NPHP4: variants seen among roughly 807,000 people sequenced by gnomAD.
NPHP4 encodes the protein nephrocystin-4.
A neutral mutation model predicts 155.8 loss-of-function variants in NPHP4; 151 were observed. That is an observed-to-expected ratio of 0.97 (90% CI 0.85 to 1.11). The LOEUF (loss-of-function observed/expected upper bound fraction) is 1.11, where lower values mean the gene tolerates loss of function less well. Among genes scored for constraint, NPHP4 ranks in the 50% least tolerant of loss-of-function variants. NPHP4 has a pLI of 0.00. For missense variants in NPHP4, 1,956 were observed against 1,925.7 expected, an observed-to-expected ratio of 1.02 and a Z score of -0.29; for synonymous variants, 845 against 816.8, an observed-to-expected ratio of 1.03 and a Z score of -0.59.
chr1:5,965,724 C>T (rs1437693572), intron 5 of NPHP4, among the ~76,000 whole-genome samples: 2 of 152,162 alleles, frequency 1.3e-5, no homozygotes, highest in Non-Finnish European at 2.9e-5. Flanking sequence ...TCCCTCAGGA[C>T]TGGAACCAGC....
rs545957138 is a variant in NPHP4 at position 5,946,433 on chromosome 1, C to T, written c.1119+671G>A. Among the ~76,000 whole-genome samples, 20 of 152,284 alleles carry T rather than the reference C, an allele frequency of 1.3e-4. No individual in the cohort carries two copies. In the South Asian group the frequency reaches 3.9e-3, roughly 30 times the overall value. On this transcript the variant is annotated intron_variant, in intron 9 of 29. Coordinates refer to ENST00000378156, the MANE Select transcript of NPHP4 (RefSeq NM_015102.5). ...ACCACACTACTGTCATATAAAAATACATTAAAATGGCCTCATTTTTCAAAA... is the reference window on the plus strand; with the variant it reads ...ACCACACTACTGTCATATAAAAATATATTAAAATGGCCTCATTTTTCAAAA...
chr1:5,872,253 T>C (rs1490995227), intron 23 of NPHP4, among the ~76,000 whole-genome samples: 2 of 152,240 alleles, frequency 1.3e-5, no homozygotes, highest in South Asian at 4.1e-4. Flanking sequence ...CCTCGACCTC[T>C]GGGCATTTGG....
chr1:5,948,001 C>A lies in NPHP4; in HGVS notation c.992+69G>T, dbSNP rs527248147. 6.7e-4 allele frequency: 852 copies of A among 1,265,012 alleles called. 17 individuals are homozygous for A. The South Asian group carries it at 9.3e-3, about 14-fold the overall frequency. 78.4% of individuals were successfully genotyped at this position (1,265,012 alleles called of 1,614,324 possible). A position where few individuals can be genotyped will look rare whatever the true frequency, so the allele number is the denominator to read the frequency against. On this transcript the variant is annotated intron_variant, in intron 8 of 29. Transcript: ENST00000378156. The stretch of plus-strand genomic sequence containing the variant: ...TGGGTGAGTCAACACCTGACATGCA[C>A]AAATGACCTCATTTCATCGTGATCC...
At chr1:5,977,665 A>G (rs886219602) in intron 3 of NPHP4, among the ~76,000 whole-genome samples, 8 of 150,628 alleles carry the variant, frequency 5.3e-5, no homozygotes, top group African/African-American at 1.2e-4. Flanking sequence ...ACAGAGACAG[A>G]GCATGCCGGC....
At position 5,889,230 on chromosome 1, in the gene NPHP4, C is replaced by G. The variant is rs918616253; in HGVS notation, c.2304+1638G>C. Among the ~76,000 whole-genome samples, 13 of 152,250 alleles carry G rather than the reference C, an allele frequency of 8.5e-5. No individual in the cohort carries two copies. Among genetic ancestry groups the G allele is most frequent in the South Asian group, 2.1e-4 (1 of 4,814 alleles). On this transcript the variant is annotated intron_variant, in intron 17 of 29. Transcript: ENST00000378156. The surrounding 1 kb of genome is among the most constrained non-coding windows in gnomAD (Gnocchi z 4.2). ...AAGCCACTGTAGTGACCCGCAACAG[C>G]AAGAGCTCAAACAAGATGAAAGCTG...
At position 5,978,267 on chromosome 1, in the gene NPHP4, C is replaced by T. The variant is rs1320551649; in HGVS notation, c.279+3G>A. 4 of 1,603,778 alleles carry T rather than the reference C, an allele frequency of 2.5e-6. No homozygotes were observed. The highest frequency in any genetic ancestry group is 2.2e-5 in the South Asian group (2 of 89,316). On this transcript the variant is annotated splice_donor_region_variant and intron_variant, in intron 3 of 29. Coordinates refer to ENST00000378156, the MANE Select transcript of NPHP4 (RefSeq NM_015102.5). Reference sequence around the variant, plus strand: ...AGCCCCTGCCACCATCACCAGGGCCCACCTCATTAAAGACGATCCTGGACG... The same window carrying T: ...AGCCCCTGCCACCATCACCAGGGCCTACCTCATTAAAGACGATCCTGGACG...
In NPHP4 at chr1:5,877,417, A is replaced by G. The variant is rs2100681062; in HGVS notation, c.2612-119T>C. 6 of 699,450 alleles carry G rather than the reference A, an allele frequency of 8.6e-6. No individual in the cohort carries two copies. The South Asian group carries it at 1.3e-4, about 16-fold the overall frequency. The allele number at this position is 699,450 out of a possible 1,614,324, so 43.3% of individuals were successfully genotyped here. Reference sequence around the variant, plus strand: ...GGGAGGGAGCTCAAGAGTGCGGCTCATGCTTTTTGCAGCTCCAATCTGCAG... The same window carrying G: ...GGGAGGGAGCTCAAGAGTGCGGCTCGTGCTTTTTGCAGCTCCAATCTGCAG... On this transcript the variant is annotated intron_variant, in intron 19 of 29. Transcript: ENST00000378156.
chr1:5,942,530 C>CA (rs71568632), intron 9 of NPHP4, among the ~76,000 whole-genome samples: 2,008 of 19,564 alleles, frequency 0.1, 230 homozygotes, highest in African/African-American at 0.2. Context: ...GACTCCATCT[C>CA]AAAAAAAAAA....
rs1645115810 is a variant in NPHP4 at position 5,910,317 on chromosome 1, ACT to A, written c.1442-1106_1442-1105del. On this transcript the variant is annotated intron_variant, in intron 11 of 29. Transcript: ENST00000378156. The surrounding 1 kb of genome is among the most constrained non-coding windows in gnomAD (Gnocchi z 5.4). ...TGACAGCCTCCTTCACGGTGACAGG[ACT>A]CTCCACTGCAGCAGACACTACCACT... 1.3e-5 allele frequency among the ~76,000 whole-genome samples: 2 copies of A among 149,714 alleles called. No individual in the cohort carries two copies. The highest frequency in any genetic ancestry group is 3.0e-5 in the Non-Finnish European group (2 of 67,390).
chr1:5,964,935 A>ATTTTTTTTTTTTTTTTTTT (rs1476774217), intron 5 of NPHP4, among the ~76,000 whole-genome samples: 1 of 31,970 alleles, frequency 3.1e-5, no homozygotes, highest in Non-Finnish European at 5.3e-5. Context: ...ATATATATAT[A>ATTTTTTTTTTTTTTTTTTT]TATATATTTT....
chr1:5,913,371 A>G (rs1645289967), intron 11 of NPHP4, among the ~76,000 whole-genome samples: 1 of 152,066 alleles, frequency 6.6e-6, no homozygotes, highest in African/African-American at 2.4e-5. Context: ...GACAAAGAAA[A>G]ACTTAGACTT....
In NPHP4 at chr1:5,877,335, C is replaced by T. The variant is rs1193121327; in HGVS notation, c.2612-37G>A. The stretch of plus-strand genomic sequence containing the variant: ...TCAGAGCGCGAGTCAGGTAGACGTG[C>T]AGTGTCTGCCTTCCAGGAGCAGACA... On this transcript the variant is annotated intron_variant, in intron 19 of 29. Coordinates refer to ENST00000378156, the MANE Select transcript of NPHP4 (RefSeq NM_015102.5). 6.6e-6 allele frequency: 10 copies of T among 1,515,148 alleles called. No homozygotes were observed. In the South Asian group the frequency reaches 7.5e-5, roughly 11 times the overall value. 93.9% of individuals were successfully genotyped at this position (1,515,148 alleles called of 1,614,324 possible).
intron 6 of NPHP4, among the ~76,000 whole-genome samples, chr1:5,955,857 G>A (rs2102042743): frequency 6.6e-6 from 1 of 152,282 alleles, no homozygotes; most frequent in South Asian, 2.1e-4. Flanking sequence ...AAATACAAAA[G>A]AGCTAGAAGA....
intron 6 of NPHP4, among the ~76,000 whole-genome samples, chr1:5,960,568 A>C (rs2102119878): frequency 6.6e-6 from 1 of 152,146 alleles, no homozygotes; most frequent in African/African-American, 2.4e-5. Context: ...TCTTCCTGGA[A>C]CCCAGCAGGG....
At chr1:5,948,631 C>G (rs989496066) in intron 7 of NPHP4, among the ~76,000 whole-genome samples, 2 of 152,156 alleles carry the variant, frequency 1.3e-5, no homozygotes, top group Admixed American at 6.5e-5. Flanking sequence ...CCCACTCCCC[C>G]AGAGCCCCCC....
intron 5 of NPHP4, among the ~76,000 whole-genome samples, chr1:5,964,266 T>C (rs542881178): frequency 6.6e-6 from 1 of 152,330 alleles, no homozygotes; most frequent in East Asian, 1.9e-4. Flanking sequence ...GCAGCCCTGA[T>C]GAAATAACAG....
Position 5,975,581 on chromosome 1 carries a change from C to T in NPHP4, c.279+2689G>A, listed in dbSNP as rs565815495. 3.0e-4 allele frequency among the ~76,000 whole-genome samples: 46 copies of T among 152,350 alleles called. 3 individuals carry two copies. The South Asian group carries it at 9.3e-3, about 31-fold the overall frequency. ...GCCCATCCCCAGCCTCAACAGGAGA[C>T]GCACCCAGATGACAGGCCAAGGCTG... On this transcript the variant is annotated intron_variant, in intron 3 of 29. Coordinates refer to ENST00000378156, the MANE Select transcript of NPHP4 (RefSeq NM_015102.5).
intron 25 of NPHP4, 45 bp downstream of exon 25, chr1:5,866,985 T>G (rs1455608599): frequency 6.8e-7 from 1 of 1,470,940 alleles, no homozygotes; most frequent in South Asian, 1.2e-5. Flanking sequence ...GGGCGCAGAC[T>G]CACTGGGAAG....
rs115890529 is a variant in NPHP4, at chr1:5,960,295, C to T, written c.673+1499G>A. Among the ~76,000 whole-genome samples the T allele has an allele frequency of 7.0e-3, 1,073 of 152,270 alleles. 9 individuals carry two copies. Among genetic ancestry groups the T allele is most frequent in the African/African-American group, 0.024 (1,006 of 41,542 alleles). On this transcript the variant is annotated intron_variant, in intron 6 of 29. Transcript: ENST00000378156. ...CCTTCTCATTTCTCACCCTCTCCTC[C>T]CTGGAATGCTGGAAAAACAGTGACT...
Sources: allele counts gnomAD v4.1 joint callset (sites outside exome capture counted in the v4.1 genomes callset), GRCh38; gene constraint gnomAD v4.1.1; non-coding constraint Gnocchi (gnomAD v3.1); transcripts MANE v1.5; gene names NCBI Gene and HGNC (gene_info 2026-07-23, HGNC 2026-07-21).